The following PCMTD1 variants were observed in gnomAD, a reference collection of about 807,000 sequenced individuals.
PCMTD1 encodes protein-L-isoaspartate O-methyltransferase domain-containing protein 1.
In PCMTD1, 12 loss-of-function variants were observed where a neutral mutation model predicts 37.6. That is an observed-to-expected ratio of 0.32 (90% CI 0.20 to 0.52). PCMTD1 has a LOEUF of 0.52. Ranked by LOEUF, PCMTD1 falls within the 20% of genes least tolerant of loss-of-function variation. The pLI is 0.97. For synonymous variants in PCMTD1, 117 were observed against 135.8 expected (o/e 0.86, Z 0.96); for missense variants, 235 against 421.3 (o/e 0.56, Z 3.87).
intron 1 of PCMTD1, chr8:51,896,186 T>C (rs1387628753): frequency 1.3e-5 from 2 of 151,984 alleles, no homozygotes; most frequent in Non-Finnish European, 2.9e-5. Flanking sequence ...CCTCAGGCGA[T>C]CCACCTGCCT....
chr8:51,833,463 T>G, intron 4 of PCMTD1, 55 bp downstream of exon 4: 1 of 1,448,564 alleles, frequency 6.9e-7, no homozygotes, highest in Non-Finnish European at 9.4e-7. Flanking sequence ...TTTCTTAACC[T>G]TAAACAAATT....
chr8:51,888,553 G>A (rs939454712), intron 1 of PCMTD1, among the ~76,000 whole-genome samples: 1 of 152,124 alleles, frequency 6.6e-6, no homozygotes, highest in African/African-American at 2.4e-5. Context: ...ATGAGAAAGA[G>A]ACCCAGAATC....
chr8:51,898,904 C>T, intron 1 of PCMTD1, 26 bp downstream of exon 1: 1 of 1,319,298 alleles, frequency 7.6e-7, no homozygotes, highest in African/African-American at 1.5e-5. Context: ...CCCACGACCC[C>T]GAGCCCCCAC....
At chr8:51,864,016 T>A (rs1024928855) in intron 1 of PCMTD1, among the ~76,000 whole-genome samples, 4 of 151,730 alleles carry the variant, frequency 2.6e-5, no homozygotes, top group African/African-American at 9.7e-5. Flanking sequence ...CCCAACAATA[T>A]GCCGCCTATG....
At chr8:51,838,687 GA>G (rs1353229187) in intron 3 of PCMTD1, among the ~76,000 whole-genome samples, 6 of 152,044 alleles carry the variant, frequency 3.9e-5, no homozygotes. Context: ...ACTATCTTCT[GA>G]AAACTGTATG....
At chr8:51,895,798 T>C (rs1034937522) in intron 1 of PCMTD1, among the ~76,000 whole-genome samples, 1 of 152,204 alleles carries the variant, frequency 6.6e-6, no homozygotes, top group Admixed American at 6.5e-5. Flanking sequence ...CAATGGCAGA[T>C]ACGCCATTTA....
At chr8:51,854,064 C>T (rs1286985962) in intron 2 of PCMTD1, among the ~76,000 whole-genome samples, 1 of 152,164 alleles carries the variant, frequency 6.6e-6, no homozygotes, top group Non-Finnish European at 1.5e-5. Context: ...GGTTGGGAAA[C>T]AGTTAATCAC....
intron 3 of PCMTD1, among the ~76,000 whole-genome samples, chr8:51,839,156 C>T (rs756962290): frequency 6.6e-6 from 1 of 151,670 alleles, no homozygotes; most frequent in African/African-American, 2.4e-5. Flanking sequence ...TCCTAAATTA[C>T]ACTACCAAAA....
At chr8:51,899,149 G>A, upstream of PCMTD1, 2 of 1,350,968 alleles carry the variant, frequency 1.5e-6, no homozygotes. Flanking sequence ...GCTCCCCGCG[G>A]ACGCCAAAGT....
At position 51,860,934 on chromosome 8, in the gene PCMTD1, A is replaced by G. The variant is rs780410907; in HGVS notation, c.218T>C (p.Met73Thr). The part of the protein sequence containing the change: ...LSAPCIYSEV[M>T]EALKLQPGLS... ...TCCTGGTTGAAGTTTCAATGCTTCC[A>G]TAACTTCAGAATAAATGCAAGGTGC... Residue 73 changes from methionine (M) to threonine (T), a missense_variant, in exon 2 of 6, where the codon ATG becomes ACG. This residue lies in a region of PCMTD1 where 183 missense variants were observed against 349.3 expected (regional missense o/e 0.52). Transcript: ENST00000522514. 2 of 1,614,110 alleles carry G rather than the reference A, an allele frequency of 1.2e-6. No homozygotes were observed. Among genetic ancestry groups the G allele is most frequent in the Non-Finnish European group, 1.7e-6 (2 of 1,179,954 alleles).
rs1460211622 is a variant in PCMTD1, at chr8:51,820,069, A to T, written c.*282T>A. ...ACTACAAATCTGTAAGGAATCAGAA[A>T]AGGATTTATAGTACACAAGTCTTGA... On this transcript the variant is annotated 3_prime_UTR_variant, in exon 6 of 6. Coordinates refer to ENST00000522514, the MANE Select transcript of PCMTD1 (RefSeq NM_052937.4). The T allele has an allele frequency of 4.7e-6, 1 of 212,156 alleles. No individual in the cohort carries two copies. Among genetic ancestry groups the T allele is most frequent in the African/African-American group, 2.3e-5 (1 of 43,708 alleles). The allele number at this position is 212,156 out of a possible 1,614,324, so 13.1% of individuals were successfully genotyped here.
At chr8:51,842,226 A>G (rs1479515551) in intron 3 of PCMTD1, among the ~76,000 whole-genome samples, 1 of 152,218 alleles carries the variant, frequency 6.6e-6, no homozygotes, top group Non-Finnish European at 1.5e-5. Context: ...ATTTGATGAT[A>G]TAAGACTAAG....
rs914712400 is a variant in PCMTD1, at chr8:51,824,862, G to A, written c.707-4144C>T. Among the ~76,000 whole-genome samples the A allele has an allele frequency of 2.6e-5, 4 of 152,180 alleles. No homozygotes were observed. In the East Asian group the frequency reaches 7.7e-4, roughly 29 times the overall value. On this transcript the variant is annotated intron_variant, in intron 5 of 5. Coordinates refer to ENST00000522514, the MANE Select transcript of PCMTD1 (RefSeq NM_052937.4). ...AAAACAGATATACAGACCAATGGAA[G>A]AGAACAGAGACCTCAGAAATAACAC...
chr8:51,886,459 T>C (rs2038865868), intron 1 of PCMTD1, among the ~76,000 whole-genome samples: 1 of 152,208 alleles, frequency 6.6e-6, no homozygotes, highest in Non-Finnish European at 1.5e-5. Flanking sequence ...ATCATACCTG[T>C]AGTTATCCCA....
At chr8:51,853,511 A>G (rs1381525958) in intron 2 of PCMTD1, among the ~76,000 whole-genome samples, 1 of 152,208 alleles carries the variant, frequency 6.6e-6, no homozygotes, top group African/African-American at 2.4e-5. Context: ...CACGCAGTCA[A>G]TTGTCATTAT....
intron 5 of PCMTD1, among the ~76,000 whole-genome samples, chr8:51,821,266 A>T (rs140631434): frequency 3.3e-5 from 5 of 152,252 alleles, no homozygotes; most frequent in African/African-American, 1.2e-4. Flanking sequence ...CAGCCTCCCA[A>T]GTAGCTGGGA....
intron 2 of PCMTD1, among the ~76,000 whole-genome samples, chr8:51,858,008 T>TTAA (rs151045869): frequency 6.5e-4 from 77 of 118,736 alleles, no homozygotes; most frequent in Middle Eastern, 4.7e-3. Flanking sequence ...AATGAATAAA[T>TTAA]TAATAATAAT....
intron 1 of PCMTD1, among the ~76,000 whole-genome samples, chr8:51,891,387 CA>C (rs1303595259): frequency 2.0e-5 from 3 of 151,590 alleles, no homozygotes; most frequent in Non-Finnish European, 4.4e-5. Flanking sequence ...CCTATCTCTA[CA>C]AAAAATGAAA....
At chr8:51,883,085 TGA>T (rs2038815264) in intron 1 of PCMTD1, among the ~76,000 whole-genome samples, 1 of 151,530 alleles carries the variant, frequency 6.6e-6, no homozygotes. Flanking sequence ...TGCAGTGAGC[TGA>T]GATCGCGCCA....
Sources: allele counts gnomAD v4.1 joint callset (sites outside exome capture counted in the v4.1 genomes callset), GRCh38; gene constraint gnomAD v4.1.1; regional missense constraint gnomAD v4.1.1; transcripts MANE v1.5; gene names NCBI Gene and HGNC (gene_info 2026-07-23, HGNC 2026-07-21).